The following METAP1 variants were observed in gnomAD, a reference collection of about 807,000 sequenced individuals.
The protein encoded by METAP1 is methionyl aminopeptidase 1, also known as methionine aminopeptidase 1.
In METAP1, 28 loss-of-function variants were observed where a neutral mutation model predicts 53.8. The ratio of observed to expected loss-of-function variants is 0.52; its 90% CI spans 0.39 to 0.71. The LOEUF (loss-of-function observed/expected upper bound fraction) is 0.71, where lower values mean the gene tolerates loss of function less well. Among genes scored for constraint, METAP1 ranks in the 30% least tolerant of loss-of-function variants. The pLI is 0.00. For missense variants in METAP1, 389 were observed against 479.8 expected, an observed-to-expected ratio of 0.81 and a Z score of 1.77; for synonymous variants, 181 against 165.7, an observed-to-expected ratio of 1.09 and a Z score of -0.71.
chr4:99,053,872 TATTA>T (rs1465849697), intron 9 of METAP1, among the ~76,000 whole-genome samples: 26 of 146,472 alleles, frequency 1.8e-4, no homozygotes, highest in Non-Finnish European at 2.8e-4. Flanking sequence ...GCATTAATAT[TATTA>T]ATTATATTAA....
rs1352005129 is a variant in METAP1 at position 99,031,571 on chromosome 4, A to G, written c.166+2653A>G. The G allele has an allele frequency of 9.3e-6, 12 of 1,288,202 alleles. No individual in the cohort carries two copies. The Admixed American group carries it at 2.8e-4, about 30-fold the overall frequency. The allele number at this position is 1,288,202 out of a possible 1,614,324, so 79.8% of individuals were successfully genotyped here. On this transcript the variant is annotated intron_variant, in intron 2 of 10. Transcript: ENST00000296411. ...AAACTTTGTGACCATGGGTTATTCT[A>G]AGTCTCACCTCCAAGATGCTGGAAT...
At chr4:99,027,127 T>C (rs548889385) in intron 1 of METAP1, among the ~76,000 whole-genome samples, 30 of 152,348 alleles carry the variant, frequency 2.0e-4, no homozygotes, top group African/African-American at 5.5e-4. Flanking sequence ...TTTCAAAATA[T>C]TAGTTAATGA....
At chr4:99,033,525 A>C (rs1174034669) in intron 2 of METAP1, among the ~76,000 whole-genome samples, 1 of 152,170 alleles carries the variant, frequency 6.6e-6, no homozygotes, top group Admixed American at 6.5e-5. Flanking sequence ...ATTCTTGCGT[A>C]TATTTCAGTC....
At chr4:99,048,509 A>G (rs140212761) in intron 8 of METAP1, among the ~76,000 whole-genome samples, 1 of 152,288 alleles carries the variant, frequency 6.6e-6, no homozygotes, top group African/African-American at 2.4e-5. Flanking sequence ...AGCTGGGACT[A>G]TAGGCATGCA....
intron 1 of METAP1, among the ~76,000 whole-genome samples, chr4:99,015,494 G>A (rs1723707219): frequency 6.6e-6 from 1 of 152,154 alleles, no homozygotes; most frequent in South Asian, 2.1e-4. Flanking sequence ...TACAATCAGG[G>A]GAAATGCTTC....
chr4:99,034,188 C>A, intron 2 of METAP1, 42 bp from the exon 3 acceptor site: 3 of 1,187,208 alleles, frequency 2.5e-6, no homozygotes, highest in Non-Finnish European at 2.4e-6. Flanking sequence ...TCCTTTCCCT[C>A]CTTCTCCTCC....
At chr4:99,003,233 A>G (rs1560690888) in intron 1 of METAP1, among the ~76,000 whole-genome samples, 1 of 152,246 alleles carries the variant, frequency 6.6e-6, no homozygotes, top group African/African-American at 2.4e-5. Flanking sequence ...TTCCCTTATC[A>G]TTATAAAGTG....
At position 99,041,024 on chromosome 4, in the gene METAP1, G is replaced by T. The variant is rs1484243941; in HGVS notation, c.433-19G>T. The T allele has an allele frequency of 1.9e-6, 3 of 1,585,742 alleles. 1 individual carries two copies. The South Asian group carries it at 3.4e-5, about 18-fold the overall frequency. Reference sequence around the variant, plus strand: ...GTTTCTGTGTCTTTTTTAATGTATTGAGTGTTCCTTTTTTACAGCTTGCTA... The same window carrying T: ...GTTTCTGTGTCTTTTTTAATGTATTTAGTGTTCCTTTTTTACAGCTTGCTA... On this transcript the variant is annotated intron_variant, in intron 5 of 10. Transcript: ENST00000296411.
chr4:99,037,195 T>C (rs1456952344), intron 4 of METAP1, among the ~76,000 whole-genome samples: 1 of 151,942 alleles, frequency 6.6e-6, no homozygotes, highest in Non-Finnish European at 1.5e-5. Flanking sequence ...GATTTATAAA[T>C]GTTCTTAGTA....
chr4:99,036,059 A>T (rs1015175373), intron 4 of METAP1: 3 of 154,312 alleles, frequency 1.9e-5, no homozygotes, highest in Non-Finnish European at 4.4e-5. Flanking sequence ...ATACTGAGAC[A>T]CCCAGCGAAG....
chr4:99,014,951 C>T (rs1173596421), intron 1 of METAP1, among the ~76,000 whole-genome samples: 2 of 152,156 alleles, frequency 1.3e-5, no homozygotes, highest in African/African-American at 2.4e-5. Context: ...GAATGGCCCT[C>T]GGGGGCTGAC....
chr4:99,025,619 T>A (rs1042163707), intron 1 of METAP1: 1 of 428,146 alleles, frequency 2.3e-6, no homozygotes, highest in Admixed American at 6.4e-5. Context: ...AAAATAAAAT[T>A]TGAACTGCCA....
chr4:99,035,187 A>G (rs895959827), intron 3 of METAP1, among the ~76,000 whole-genome samples: 1 of 152,154 alleles, frequency 6.6e-6, no homozygotes, highest in Admixed American at 6.6e-5. Flanking sequence ...TAAATCCTTA[A>G]TGGCCTTGGC....
At chr4:99,048,698 A>T (rs747384842) in intron 8 of METAP1, 35 bp from the exon 9 acceptor site, 2 of 1,603,360 alleles carry the variant, frequency 1.2e-6, no homozygotes, top group East Asian at 4.5e-5. Context: ...CGTATTAGTT[A>T]TTAGTTTATC....
At chr4:99,055,982 C>T (rs1727088654) in intron 9 of METAP1, among the ~76,000 whole-genome samples, 1 of 152,160 alleles carries the variant, frequency 6.6e-6, no homozygotes, top group African/African-American at 2.4e-5. Context: ...AGTTTAGAAG[C>T]TCCAGATTTG....
At chr4:99,010,586 T>C (rs1176879681) in intron 1 of METAP1, among the ~76,000 whole-genome samples, 1 of 152,236 alleles carries the variant, frequency 6.6e-6, no homozygotes, top group Non-Finnish European at 1.5e-5. Context: ...GTAGCTCTGG[T>C]ATGTTTTGAT....
chr4:99,031,359 C>T, intron 2 of METAP1: 1 of 979,508 alleles, frequency 1.0e-6, no homozygotes, highest in Non-Finnish European at 1.4e-6. Context: ...TTCTCATTTT[C>T]CTGAAGTAAA....
chr4:99,050,115 G>T (rs1331546197), intron 9 of METAP1, among the ~76,000 whole-genome samples: 1 of 152,158 alleles, frequency 6.6e-6, no homozygotes, highest in East Asian at 1.9e-4. Flanking sequence ...GCAGGGGGCG[G>T]TGGGAGAACT....
At chr4:99,022,759 T>G (rs918684383) in intron 1 of METAP1, 1 of 1,602,392 alleles carries the variant, frequency 6.2e-7, no homozygotes, top group Non-Finnish European at 8.5e-7. Flanking sequence ...GCGTGTTGTG[T>G]AGACTGGCCG....
Sources: allele counts gnomAD v4.1 joint callset (sites outside exome capture counted in the v4.1 genomes callset), GRCh38; gene constraint gnomAD v4.1.1; transcripts MANE v1.5; gene names NCBI Gene and HGNC (gene_info 2026-07-23, HGNC 2026-07-21).